The following GPR78 variants were observed in gnomAD, a reference collection of about 807,000 sequenced individuals.
GPR78 encodes the protein G protein-coupled receptor 78.
Under a neutral mutation model 17.9 loss-of-function variants are expected in GPR78, and 29 were observed. The observed-to-expected ratio is 1.62, with a 90% CI of 1.20 to 2.21. The LOEUF is 2.21. GPR78 is among the 30% of genes most tolerant of loss of function. GPR78 has a pLI of 0.00. For missense variants in GPR78, 649 were observed against 530.5 expected, an observed-to-expected ratio of 1.22 and a Z score of -2.19; for synonymous variants, 349 against 256.9, an observed-to-expected ratio of 1.36 and a Z score of -3.43.
At chr4:8,585,774 T>A (rs1713479965) in intron 2 of GPR78, among the ~76,000 whole-genome samples, 1 of 152,030 alleles carries the variant, frequency 6.6e-6, no homozygotes, top group Non-Finnish European at 1.5e-5. Flanking sequence ...TTGAGGTGGT[T>A]GCCTGCCTGC....
chr4:8,586,955 G>C lies in GPR78; in HGVS notation c.783-99G>C, dbSNP rs1713532877. On this transcript the variant is annotated intron_variant, in intron 2 of 2. Coordinates refer to ENST00000382487, the MANE Select transcript of GPR78 (RefSeq NM_080819.5). ...CTGGCTAGTGAGCATCAGGGCTGCG[G>C]TACGTACTTGAGTATGGTTCTAGCA... 5 of 1,039,866 alleles carry C rather than the reference G, an allele frequency of 4.8e-6. No homozygotes were observed. The Admixed American group carries it at 9.7e-5, about 20-fold the overall frequency. The allele number at this position is 1,039,866 out of a possible 1,614,324, so 64.4% of individuals were successfully genotyped here.
chr4:8,584,307 G>A (rs1713413465), intron 2 of GPR78, among the ~76,000 whole-genome samples: 1 of 152,204 alleles, frequency 6.6e-6, no homozygotes, highest in Admixed American at 6.5e-5. Flanking sequence ...GCATAGCTAT[G>A]AGTGTGCACA....
chr4:8,582,612 C>T lies in GPR78; in HGVS notation c.750C>T (p.Phe250=). Residue 250 remains phenylalanine, a synonymous_variant, in exon 2 of 3, where the codon TTC becomes TTT. Transcript: ENST00000382487. ...TRKIGIAIAT[F]LICFAPYVMT... The stretch of plus-strand genomic sequence containing the variant: ...AGATTGGCATTGCTATTGCGACCTT[C>T]CTCATCTGCTTTGCCCCGTATGTCA... 1.9e-6 allele frequency: 3 copies of T among 1,613,438 alleles called. No homozygotes were observed. The highest frequency in any genetic ancestry group is 2.5e-6 in the Non-Finnish European group (3 of 1,179,604).
At chr4:8,582,158 G>GC (rs1713320199) in intron 1 of GPR78, among the ~76,000 whole-genome samples, 1 of 151,876 alleles carries the variant, frequency 6.6e-6, no homozygotes, top group African/African-American at 2.4e-5. Flanking sequence ...TTCCCCCTTG[G>GC]CCCCCCACAG....
Position 8,580,883 on chromosome 4 carries a change from G to A in GPR78, c.-100G>A. 1.7e-6 allele frequency: 2 copies of A among 1,177,692 alleles called. No homozygotes were observed. The highest frequency in any genetic ancestry group is 1.6e-5 in the South Asian group (1 of 62,344). 73.0% of individuals were successfully genotyped at this position (1,177,692 alleles called of 1,614,324 possible). On this transcript the variant is annotated 5_prime_UTR_variant, in exon 1 of 3. In the 5' UTR this introduces an upstream ATG that the reference lacks. Coordinates refer to ENST00000382487, the MANE Select transcript of GPR78 (RefSeq NM_080819.5). ...GCCGGCTCTGCACCTCCCAGAAGCC[G>A]TGGGCGCGCCGCTCAGCTGCTCCAT...
intron 2 of GPR78, 52 bp downstream of exon 2, chr4:8,582,696 C>A (rs748683356): frequency 1.6e-6 from 2 of 1,277,486 alleles, no homozygotes; most frequent in Non-Finnish European, 2.3e-6. Context: ...GTGGGCTTGG[C>A]CTCAGTTGAG....
chr4:8,584,068 T>C (rs567912916), intron 2 of GPR78, among the ~76,000 whole-genome samples: 1 of 152,348 alleles, frequency 6.6e-6, no homozygotes, highest in East Asian at 1.9e-4. Flanking sequence ...ATGTGTATGT[T>C]GTGAGGGTTC....
rs994624139 is a variant in GPR78, at chr4:8,588,265, C to G, written c.*902C>G. Reference sequence around the variant, plus strand: ...TGGCCTGGGATGGGGAGGGCCCTTGCTCCCCAACAGCAGTGCTGGGGGAGC... The same window carrying G: ...TGGCCTGGGATGGGGAGGGCCCTTGGTCCCCAACAGCAGTGCTGGGGGAGC... On this transcript the variant is annotated 3_prime_UTR_variant, in exon 3 of 3. Transcript: ENST00000382487. Among the ~76,000 whole-genome samples the G allele has an allele frequency of 2.0e-5, 3 of 152,192 alleles. No individual in the cohort carries two copies. Among genetic ancestry groups the G allele is most frequent in the East Asian group, 3.9e-4 (2 of 5,190 alleles).
intron 2 of GPR78, 68 bp downstream of exon 2, chr4:8,582,712 C>A: frequency 9.7e-7 from 1 of 1,036,124 alleles, no homozygotes; most frequent in Non-Finnish European, 1.5e-6. Flanking sequence ...TTGAGTAGGC[C>A]TCTGAGGTTT....
intron 2 of GPR78, among the ~76,000 whole-genome samples, chr4:8,586,792 G>A (rs562517479): frequency 6.6e-6 from 1 of 152,306 alleles, no homozygotes; most frequent in South Asian, 2.1e-4. Context: ...TGGTGACGGT[G>A]GCAGTGCTGC....
Position 8,582,603 on chromosome 4 carries a change from T to A in GPR78, c.741T>A (p.Ile247=), listed in dbSNP as rs764754180. Residue 247 remains isoleucine, a synonymous_variant, in exon 2 of 3, where the codon ATT becomes ATA. Coordinates refer to ENST00000382487, the MANE Select transcript of GPR78 (RefSeq NM_080819.5). Reference sequence around the variant, plus strand: ...CCACCAGGAAGATTGGCATTGCTATTGCGACCTTCCTCATCTGCTTTGCCC... The same window carrying A: ...CCACCAGGAAGATTGGCATTGCTATAGCGACCTTCCTCATCTGCTTTGCCC... The part of the protein sequence containing the change: ...HRATRKIGIA[I]ATFLICFAPY... 1.7e-5 allele frequency: 28 copies of A among 1,613,426 alleles called. 1 individual carries two copies. In the Middle Eastern group the frequency reaches 1.3e-3, roughly 76 times the overall value.
At position 8,581,149 on chromosome 4, in the gene GPR78, C is replaced by T. The variant is rs200283608; in HGVS notation, c.167C>T (p.Ala56Val). The change falls in exon 1 of 3, where the codon GCG becomes GTG. Residue 56 changes from alanine to valine, a missense_variant. Physicochemically the swap from Ala to Val is moderately conservative, Grantham distance 64 (BLOSUM62 0). Transcript: ENST00000382487. ...CTGTCTCTGGGCCACCTGCTGCTGGCGGCGCTGGACATGCCCTTCACGCTG... is the reference window on the plus strand; with the variant it reads ...CTGTCTCTGGGCCACCTGCTGCTGGTGGCGCTGGACATGCCCTTCACGCTG... The part of the protein sequence containing the change: ...VNLSLGHLLL[A>V]ALDMPFTLLG... 649 of 1,604,354 alleles carry T rather than the reference C, an allele frequency of 4.0e-4. 1 individual carries two copies. Among genetic ancestry groups the T allele is most frequent in the Non-Finnish European group, 4.8e-4 (571 of 1,179,726 alleles).
chr4:8,581,088 C>T lies in GPR78; in HGVS notation c.106C>T (p.Leu36Phe). Residue 36 changes from leucine (L) to phenylalanine (F), a missense_variant, in exon 1 of 3, where the codon CTC becomes TTC. By Grantham distance (22) the Leu-to-Phe change is conservative. Coordinates refer to ENST00000382487, the MANE Select transcript of GPR78 (RefSeq NM_080819.5). Reference protein sequence around the residue: ...VLLCCAYSAELRTRASGVLLV... With the variant: ...VLLCCAYSAEFRTRASGVLLV... ...GCTTTGTTGCGCCTACAGCGCTGAG[C>T]TCCGCACTCGAGCCTCAGGCGTCCT... is the stretch of plus-strand genomic sequence containing the variant. 6.2e-7 allele frequency: 1 copy of T among 1,606,326 alleles called. No individual in the cohort carries two copies. Among genetic ancestry groups the T allele is most frequent in the South Asian group, 1.1e-5 (1 of 90,716 alleles).
At chr4:8,584,592 C>T (rs1713422715) in intron 2 of GPR78, among the ~76,000 whole-genome samples, 1 of 152,338 alleles carries the variant, frequency 6.6e-6, no homozygotes, top group South Asian at 2.1e-4. Context: ...GTGGGAGATG[C>T]AGGTCAGCAA....
At position 8,588,778 on chromosome 4, in the gene GPR78, G is replaced by C. The variant is rs138092759; in HGVS notation, c.*1415G>C. ...GCTGAATTCTTCAAAGACACACGCG[G>C]TCGTCACTTGCTCTTGGCATTAACG... On this transcript the variant is annotated 3_prime_UTR_variant, in exon 3 of 3. Transcript: ENST00000382487. Among the ~76,000 whole-genome samples the C allele has an allele frequency of 2.7e-3, 414 of 152,350 alleles. 5 individuals carry two copies. The highest frequency in any genetic ancestry group is 9.6e-3 in the African/African-American group (398 of 41,584).
chr4:8,581,047 C>T lies in GPR78; in HGVS notation c.65C>T (p.Ser22Phe), dbSNP rs1418672249. 1 of 1,605,150 alleles carries T rather than the reference C, an allele frequency of 6.2e-7. No individual in the cohort carries two copies. Residue 22 changes from serine to phenylalanine, a missense_variant, in exon 1 of 3, where the codon TCC becomes TTC. By Grantham distance (155) the Ser-to-Phe change is radical. Transcript: ENST00000382487. ...ATGGTACTGGCCGTGGCGCTGCTAT[C>T]CAACGCACTGGTGCTGCTTTGTTGC... is the stretch of plus-strand genomic sequence containing the variant. ...LVMVLAVALL[S>F]NALVLLCCAY... is the part of the protein sequence containing the mutation.
At chr4:8,581,754 G>C (rs1713300956) in intron 1 of GPR78, 104 bp downstream of exon 1, 1 of 829,760 alleles carries the variant, frequency 1.2e-6, no homozygotes, top group Non-Finnish European at 1.8e-6. Context: ...ACTCCGCCCA[G>C]AGTTCACCAG....
Position 8,587,160 on chromosome 4 carries a change from C to T in GPR78, c.889C>T (p.Leu297Phe), listed in dbSNP as rs756608217. The change falls in exon 3 of 3, where the codon CTC becomes TTC. Residue 297 changes from leucine to phenylalanine, a missense_variant. By Grantham distance (22) the Leu-to-Phe change is conservative. Transcript: ENST00000382487. ...GGCCGACCCGTTCACGTACTCTCTG[C>T]TCCGCCGGCCGTTCCGCCAAGTCCT... Reference protein sequence around the residue: ...AVADPFTYSLLRRPFRQVLAG... With the variant: ...AVADPFTYSLFRRPFRQVLAG... The T allele has an allele frequency of 1.9e-6, 3 of 1,613,252 alleles. No homozygotes were observed. The highest frequency in any genetic ancestry group is 1.1e-5 in the South Asian group (1 of 91,084).
intron 2 of GPR78, among the ~76,000 whole-genome samples, chr4:8,586,089 C>T (rs1577100091): frequency 6.6e-6 from 1 of 152,188 alleles, no homozygotes; most frequent in Non-Finnish European, 1.5e-5. Flanking sequence ...AGCAAGTGTG[C>T]TTGTGACAGC....
Sources: allele counts gnomAD v4.1 joint callset (sites outside exome capture counted in the v4.1 genomes callset), GRCh38; gene constraint gnomAD v4.1.1; transcripts MANE v1.5; gene names NCBI Gene and HGNC (gene_info 2026-07-23, HGNC 2026-07-21).